The following CDADC1 variants were observed in gnomAD, a reference collection of about 807,000 sequenced individuals.
CDADC1 encodes the protein cytidine and dCMP deaminase domain containing 1, also known as dCTP deaminase.
CDADC1 carries 39 observed loss-of-function variants against 54.9 expected under a neutral mutation model. That is an observed-to-expected ratio of 0.71 (90% CI 0.55 to 0.93). CDADC1 has a LOEUF of 0.93. CDADC1 is among the 40% of genes least tolerant of loss of function. The probability of loss-of-function intolerance (pLI) is 0.00; values close to 1 mark genes in which losing one functional copy is unlikely to be tolerated. For missense variants in CDADC1, 518 were observed against 618.8 expected, an observed-to-expected ratio of 0.84 and a Z score of 1.73; for synonymous variants, 186 against 204.0, an observed-to-expected ratio of 0.91 and a Z score of 0.75.
chr13:49,272,931 C>T (rs1319821553), intron 5 of CDADC1, among the ~76,000 whole-genome samples: 1 of 152,094 alleles, frequency 6.6e-6, no homozygotes, highest in Non-Finnish European at 1.5e-5. Flanking sequence ...CAGGTTGGAT[C>T]TGGAGGGCTA....
rs1363512734 is a variant in CDADC1 at position 49,293,124 on chromosome 13, T to G, written c.*1367T>G. On this transcript the variant is annotated 3_prime_UTR_variant, in exon 10 of 10. Transcript: ENST00000251108. ...AGTTTGAAAACCGTGAATTAAGATATTCTTATCAGTATAAAAACACTGAGA... is the reference window on the plus strand; with the variant it reads ...AGTTTGAAAACCGTGAATTAAGATAGTCTTATCAGTATAAAAACACTGAGA... 1.3e-5 allele frequency: 2 copies of G among 156,086 alleles called. No individual in the cohort carries two copies. Among genetic ancestry groups the G allele is most frequent in the Non-Finnish European group, 2.8e-5 (2 of 70,488 alleles). 9.7% of individuals were successfully genotyped at this position (156,086 alleles called of 1,614,324 possible). A position where few individuals can be genotyped will look rare whatever the true frequency, so the allele number is the denominator to read the frequency against.
chr13:49,280,567 GATGAGTGTGTA>G lies in CDADC1; in HGVS notation c.1280_1290del (p.Asp427AlafsTer4). On this transcript the variant is annotated frameshift_variant, in exon 8 of 10. Transcript: ENST00000251108. LOFTEE classifies it high-confidence loss of function. The stretch of plus-strand genomic sequence containing the variant: ...GATTTTTGTGACAAAGTGCCCATGT[GATGAGTGTGTA>G]CCTTTAATTAAAGGTGCAGGCATAA... The G allele has an allele frequency of 6.6e-7, 1 of 1,525,762 alleles. No individual in the cohort carries two copies. Among genetic ancestry groups the G allele is most frequent in the South Asian group, 1.3e-5 (1 of 75,866 alleles). 94.5% of individuals were successfully genotyped at this position (1,525,762 alleles called of 1,614,324 possible). A position where few individuals can be genotyped will look rare whatever the true frequency, so the allele number is the denominator to read the frequency against.
intron 3 of CDADC1, among the ~76,000 whole-genome samples, chr13:49,258,901 A>G (rs1190047160): frequency 3.3e-5 from 5 of 152,120 alleles, no homozygotes; most frequent in Non-Finnish European, 7.4e-5. Flanking sequence ...GCCTTTTACC[A>G]TCTGTGGGTC....
chr13:49,272,434 A>G (rs1478017477), intron 5 of CDADC1, among the ~76,000 whole-genome samples: 3 of 152,118 alleles, frequency 2.0e-5, no homozygotes, highest in Non-Finnish European at 4.4e-5. Context: ...CTGTAGAAGG[A>G]AGTCATCTCG....
At chr13:49,290,291 T>C (rs1230289291) in intron 9 of CDADC1, among the ~76,000 whole-genome samples, 1 of 151,990 alleles carries the variant, frequency 6.6e-6, no homozygotes, top group Non-Finnish European at 1.5e-5. Flanking sequence ...TGTAGTTTTA[T>C]TCAGTTTTAA....
At chr13:49,267,136 A>G (rs746591411) in intron 4 of CDADC1, among the ~76,000 whole-genome samples, 1 of 152,188 alleles carries the variant, frequency 6.6e-6, no homozygotes, top group Non-Finnish European at 1.5e-5. Flanking sequence ...AAAGCACCCA[A>G]AGACTATATA....
chr13:49,286,597 T>C (rs1017671685), intron 9 of CDADC1, among the ~76,000 whole-genome samples: 2 of 152,142 alleles, frequency 1.3e-5, no homozygotes, highest in Non-Finnish European at 2.9e-5. Flanking sequence ...CAAAAGCTTA[T>C]TGGGGAGTGA....
chr13:49,286,146 TA>T, intron 8 of CDADC1, 75 bp from the exon 9 acceptor site: 1 of 1,183,554 alleles, frequency 8.4e-7, no homozygotes, highest in South Asian at 1.3e-5. Flanking sequence ...GTTGTTTTGA[TA>T]TTTAAAATCA....
intron 1 of CDADC1, among the ~76,000 whole-genome samples, 200 bp from the exon 2 acceptor site, chr13:49,248,671 T>A (rs78438465): frequency 2.4e-4 from 36 of 152,322 alleles, no homozygotes; most frequent in Non-Finnish European, 4.1e-4. Context: ...GCTCAACTTT[T>A]TAAGTGGAGA....
At chr13:49,273,315 C>T (rs1000685122) in intron 5 of CDADC1, among the ~76,000 whole-genome samples, 8 of 152,072 alleles carry the variant, frequency 5.3e-5, no homozygotes, top group African/African-American at 1.9e-4. Context: ...ATGAAAATGC[C>T]TTAGGGTAAG....
At chr13:49,274,435 G>A (rs539173958) in intron 6 of CDADC1, 95 bp downstream of exon 6, 44 of 890,668 alleles carry the variant, frequency 4.9e-5, no homozygotes, top group South Asian at 3.3e-4. Context: ...CTGCCAAGGC[G>A]GGCAGATCAC....
At chr13:49,256,298 A>T (rs1413752023) in intron 3 of CDADC1, among the ~76,000 whole-genome samples, 1 of 152,148 alleles carries the variant, frequency 6.6e-6, no homozygotes, top group East Asian at 1.9e-4. Context: ...TCAACCCTGA[A>T]GGTTGAGGTA....
intron 5 of CDADC1, among the ~76,000 whole-genome samples, chr13:49,268,956 AT>A (rs1952896632): frequency 6.6e-6 from 1 of 152,194 alleles, no homozygotes. Flanking sequence ...TGGCATCTGT[AT>A]TTCCAAACAT....
intron 4 of CDADC1, among the ~76,000 whole-genome samples, chr13:49,263,313 A>G (rs919580170): frequency 6.6e-6 from 1 of 152,248 alleles, no homozygotes; most frequent in African/African-American, 2.4e-5. Context: ...GCCTGACAGC[A>G]TCTCACCACT....
chr13:49,284,776 G>A (rs568126056), intron 8 of CDADC1, among the ~76,000 whole-genome samples: 10 of 152,222 alleles, frequency 6.6e-5, no homozygotes, highest in African/African-American at 2.4e-4. Flanking sequence ...CTCAAGGCTC[G>A]TGATGTTAAC....
At chr13:49,259,849 G>GAA (rs58496922) in intron 4 of CDADC1, among the ~76,000 whole-genome samples, 1 of 149,814 alleles carries the variant, frequency 6.7e-6, no homozygotes, top group South Asian at 2.1e-4. Context: ...CTTGTCTCCA[G>GAA]AAAAAAAAAA....
At position 49,292,609 on chromosome 13, in the gene CDADC1, A is replaced by G; in HGVS notation, c.*852A>G. On this transcript the variant is annotated 3_prime_UTR_variant, in exon 10 of 10. Transcript: ENST00000251108. ...CATGGCTTTGATCTTCAAAAGGAAG[A>G]GCCTTTTAAAAACATTTGCCAACCT... The G allele has an allele frequency of 1.7e-6, 2 of 1,165,666 alleles. No homozygotes were observed. The highest frequency in any genetic ancestry group is 2.1e-6 in the Non-Finnish European group (2 of 932,346). The allele number at this position is 1,165,666 out of a possible 1,614,324, so 72.2% of individuals were successfully genotyped here.
At chr13:49,270,975 A>G (rs1952951106) in intron 5 of CDADC1, among the ~76,000 whole-genome samples, 1 of 152,228 alleles carries the variant, frequency 6.6e-6, no homozygotes, top group African/African-American at 2.4e-5. Flanking sequence ...TTAATAGATG[A>G]AGATACCATT....
At chr13:49,274,865 T>A (rs1008811051) in intron 6 of CDADC1, among the ~76,000 whole-genome samples, 5 of 152,106 alleles carry the variant, frequency 3.3e-5, no homozygotes, top group African/African-American at 1.2e-4. Flanking sequence ...CATAGTTTAG[T>A]GATGGAGATG....
Sources: gnomAD v4.1 joint callset for allele counts (sites outside exome capture counted in the v4.1 genomes callset) on GRCh38, gnomAD v4.1.1 for gene constraint, MANE v1.5 for transcripts, NCBI Gene and HGNC (gene_info 2026-07-23, HGNC 2026-07-21) for gene names.